FURIN: variants seen among roughly 807,000 people sequenced by gnomAD.
The protein encoded by FURIN is FES upstream region.
In FURIN, 18 loss-of-function variants were observed where a neutral mutation model predicts 89.2. The ratio of observed to expected loss-of-function variants is 0.20; its 90% CI spans 0.14 to 0.30. The LOEUF is 0.30. Among genes scored for constraint, FURIN ranks in the 10% least tolerant of loss-of-function variants. The pLI is 1.00. For synonymous variants in FURIN, 508 were observed against 466.4 expected (o/e 1.09, Z -1.15); for missense variants, 879 against 1,100.5 (o/e 0.80, Z 2.85).
At position 90,881,319 on chromosome 15, in the gene FURIN, G is replaced by T. The variant is rs1442414103; in HGVS notation, c.1826G>T (p.Ser609Ile). The change falls in exon 16 of 16, where the codon AGC becomes ATC. Residue 609 changes from serine (S) to isoleucine (I), a missense_variant. Ser to Ile is a moderately radical substitution (Grantham distance 142). Coordinates refer to ENST00000268171, the MANE Select transcript of FURIN (RefSeq NM_002569.4). The surrounding 1 kb of genome is among the most constrained non-coding windows in gnomAD (Gnocchi z 4.3). Reference protein sequence around the residue: ...CEEGFSLHQKSCVQHCPPGFA... With the variant: ...CEEGFSLHQKICVQHCPPGFA... ...GAAGGCTTCTCCCTGCACCAGAAGAGCTGTGTCCAGCACTGCCCTCCAGGG... is the reference window on the plus strand; with the variant it reads ...GAAGGCTTCTCCCTGCACCAGAAGATCTGTGTCCAGCACTGCCCTCCAGGG... 1 of 1,608,952 alleles carries T rather than the reference G, an allele frequency of 6.2e-7. No homozygotes were observed. The highest frequency in any genetic ancestry group is 2.2e-5 in the East Asian group (1 of 44,780).
chr15:90,881,942 A>AT lies in FURIN; in HGVS notation c.*71dup, dbSNP rs1377996086. ...TGGGCACTTTTTAATTCACCAAAGT[A>AT]TTTTTTTATCTTGGGACTGGGTTTG... On this transcript the variant is annotated 3_prime_UTR_variant, in exon 16 of 16. Coordinates refer to ENST00000268171, the MANE Select transcript of FURIN (RefSeq NM_002569.4). This position sits in a 1 kb window ranked among gnomAD's most constrained non-coding sequence, Gnocchi z 4.3. The AT allele has an allele frequency of 2.0e-5, 23 of 1,170,016 alleles. No homozygotes were observed. The highest frequency in any genetic ancestry group is 4.5e-5 in the Admixed American group (2 of 44,514). 72.5% of individuals were successfully genotyped at this position (1,170,016 alleles called of 1,614,324 possible). A position where few individuals can be genotyped will look rare whatever the true frequency, so the allele number is the denominator to read the frequency against.
intron 1 of FURIN, among the ~76,000 whole-genome samples, chr15:90,873,431 G>C (rs1290698964): frequency 1.3e-5 from 2 of 152,218 alleles, no homozygotes; most frequent in Non-Finnish European, 2.9e-5. Context: ...GCTAGACCCA[G>C]ATGAACCCAG....
In FURIN at chr15:90,875,598, C is replaced by A; in HGVS notation, c.-143C>A. On this transcript the variant is annotated 5_prime_UTR_variant, in exon 2 of 16. Coordinates refer to ENST00000268171, the MANE Select transcript of FURIN (RefSeq NM_002569.4). ...TCCTCTCAGGGTCGGCACTCTTCAC[C>A]CTCCCGAGCCCTGCCCGTCTCGGCC... 1 of 652,096 alleles carries A rather than the reference C, an allele frequency of 1.5e-6. No homozygotes were observed. The highest frequency in any genetic ancestry group is 2.5e-6 in the Non-Finnish European group (1 of 392,412). The allele number at this position is 652,096 out of a possible 1,614,324, so 40.4% of individuals were successfully genotyped here. A position where few individuals can be genotyped will look rare whatever the true frequency, so the allele number is the denominator to read the frequency against.
In FURIN at chr15:90,880,831, G is replaced by A; in HGVS notation, c.1681+16G>A. 1 of 1,612,318 alleles carries A rather than the reference G, an allele frequency of 6.2e-7. No homozygotes were observed. Among genetic ancestry groups the A allele is most frequent in the Non-Finnish European group, 8.5e-7 (1 of 1,178,762 alleles). On this transcript the variant is annotated intron_variant, in intron 14 of 15. Transcript: ENST00000268171. The stretch of plus-strand genomic sequence containing the variant: ...AACAACTATGGTACTGGGGGCACTT[G>A]AGGGGTAGGGGTACGAGGTGGAGGG...
In FURIN at chr15:90,876,990, T is replaced by A; in HGVS notation, c.467T>A (p.Ile156Asn). ...GIVVSILDDG[I>N]EKNHPDLAGN... ...GTGGTCTCCATTCTGGACGATGGCA[T>A]CGAGAAGAACCACCCGGACTTGGCA... Residue 156 changes from isoleucine (I) to asparagine (N), a missense_variant, in exon 5 of 16, where the codon ATC becomes AAC. Ile to Asn is a moderately radical substitution (Grantham distance 149). This residue lies in a region of FURIN where 139 missense variants were observed against 215.0 expected (regional missense o/e 0.65). Transcript: ENST00000268171. This position sits in a 1 kb window ranked among gnomAD's most constrained non-coding sequence, Gnocchi z 5.0. 6.2e-7 allele frequency: 1 copy of A among 1,614,104 alleles called. No individual in the cohort carries two copies. The highest frequency in any genetic ancestry group is 1.6e-4 in the Middle Eastern group (1 of 6,062).
intron 8 of FURIN, 106 bp downstream of exon 8, chr15:90,878,410 A>G (rs1025634631): frequency 2.1e-6 from 2 of 954,266 alleles, no homozygotes; most frequent in Non-Finnish European, 3.0e-6. Flanking sequence ...TTAACTTTAC[A>G]CAAAGCATGT....
Position 90,876,599 on chromosome 15 carries a change from C to G in FURIN, c.372+42C>G. The G allele has an allele frequency of 8.0e-7, 1 of 1,254,036 alleles. No individual in the cohort carries two copies. The highest frequency in any genetic ancestry group is 1.5e-5 in the African/African-American group (1 of 67,914). 77.7% of individuals were successfully genotyped at this position (1,254,036 alleles called of 1,614,324 possible). On this transcript the variant is annotated intron_variant, in intron 4 of 15. Transcript: ENST00000268171. The surrounding 1 kb of genome is among the most constrained non-coding windows in gnomAD (Gnocchi z 5.0). ...GCTGCTGGGACCTCCTCCCCAGATG[C>G]ACCATCCACCCACTATGAGCTCTTG...
chr15:90,871,720 C>T (rs1210135777), intron 1 of FURIN: 1 of 149,242 alleles, frequency 6.7e-6, no homozygotes, highest in Non-Finnish European at 1.5e-5. Flanking sequence ...GAGCGGGCTC[C>T]GCGGCCCGGG....
In FURIN at chr15:90,876,561, C is replaced by T. The variant is rs751590173; in HGVS notation, c.372+4C>T. 80 of 1,594,718 alleles carry T rather than the reference C, an allele frequency of 5.0e-5. No homozygotes were observed. Among genetic ancestry groups the T allele is most frequent in the Admixed American group, 6.7e-5 (4 of 59,952 alleles). On this transcript the variant is annotated splice_donor_region_variant and intron_variant, in intron 4 of 15. Transcript: ENST00000268171. The surrounding 1 kb of genome is among the most constrained non-coding windows in gnomAD (Gnocchi z 5.0). ...GTTTCCTCAGCAGTGGTACCTGGTACGTGGCCTTCTTCGCTGCTGGGACCT... is the reference window on the plus strand; with the variant it reads ...GTTTCCTCAGCAGTGGTACCTGGTATGTGGCCTTCTTCGCTGCTGGGACCT...
At position 90,868,706 on chromosome 15, in the gene FURIN, G is replaced by A. The variant is rs2031156333; in HGVS notation, c.-165G>A. 1.3e-5 allele frequency: 2 copies of A among 152,216 alleles called. No homozygotes were observed. The highest frequency in any genetic ancestry group is 1.5e-5 in the Non-Finnish European group (1 of 68,050). 9.4% of individuals were successfully genotyped at this position (152,216 alleles called of 1,614,324 possible). ...AATCCCAGGTGCTCTGGAGCTGGAT[G>A]GTGAAGTATGGACATGCTTTATTCG... On this transcript the variant is annotated 5_prime_UTR_variant, in exon 1 of 16. An upstream start codon of the reference 5' UTR is lost. Coordinates refer to ENST00000268171, the MANE Select transcript of FURIN (RefSeq NM_002569.4).
chr15:90,879,194 T>C (rs2031802080), intron 9 of FURIN, among the ~76,000 whole-genome samples: 1 of 152,216 alleles, frequency 6.6e-6, no homozygotes, highest in African/African-American at 2.4e-5. Context: ...AAAAACATAC[T>C]TTGTTCTTAT....
chr15:90,879,043 T>C, intron 9 of FURIN, 67 bp downstream of exon 9: 1 of 1,030,140 alleles, frequency 9.7e-7, no homozygotes, highest in Non-Finnish European at 1.4e-6. Flanking sequence ...CAGCACCCTC[T>C]TTTGGAGGCT....
intron 1 of FURIN, among the ~76,000 whole-genome samples, chr15:90,874,530 G>T (rs1402960833): frequency 6.6e-6 from 1 of 152,206 alleles, no homozygotes. Flanking sequence ...CTCCACCCCC[G>T]CACCCCCTCA....
chr15:90,878,071 TG>T, intron 7 of FURIN, 60 bp from the exon 8 acceptor site: 2 of 1,546,026 alleles, frequency 1.3e-6, no homozygotes, highest in Non-Finnish European at 1.8e-6. Context: ...CTCCTTGGGG[TG>T]GGGGCCCTGA....
intron 1 of FURIN, chr15:90,872,770 G>A (rs906937202): frequency 6.6e-6 from 1 of 152,238 alleles, no homozygotes; most frequent in Non-Finnish European, 1.5e-5. Context: ...GCTGGTAACA[G>A]GACCCCGCGT....
At chr15:90,870,092 T>G (rs1308252523) in intron 1 of FURIN, among the ~76,000 whole-genome samples, 2 of 152,212 alleles carry the variant, frequency 1.3e-5, no homozygotes, top group African/African-American at 4.8e-5. Flanking sequence ...TCCTCCAGTT[T>G]CCAGTTCTTG....
intron 14 of FURIN, 43 bp from the exon 15 acceptor site, chr15:90,880,887 C>T: frequency 6.2e-7 from 1 of 1,609,956 alleles, no homozygotes; most frequent in East Asian, 2.2e-5. Flanking sequence ...GGGTGTGGTG[C>T]CAGCACTGTC....
At chr15:90,880,411 A>C (rs752324264) in intron 13 of FURIN, 138 bp downstream of exon 13, 16 of 751,070 alleles carry the variant, frequency 2.1e-5, no homozygotes, top group Non-Finnish European at 2.1e-6. Context: ...GGGAGGGACA[A>C]TTTTGTCCTG....
chr15:90,879,654 CCCTT>C lies in FURIN; in HGVS notation c.1155-11_1155-8del, dbSNP rs756409287. On this transcript the variant is annotated splice_polypyrimidine_tract_variant and intron_variant, in intron 10 of 15. Coordinates refer to ENST00000268171, the MANE Select transcript of FURIN (RefSeq NM_002569.4). ...CAAAAAAGACTGATCCCCAGCCTCTCCCTTCCTTCTTTGCAGTAAGAACCTCACA... is the reference window on the plus strand; with the variant it reads ...CAAAAAAGACTGATCCCCAGCCTCTCCCTTCTTTGCAGTAAGAACCTCACA... 1.9e-5 allele frequency: 30 copies of C among 1,606,404 alleles called. No homozygotes were observed. In the South Asian group the frequency reaches 2.7e-4, roughly 15 times the overall value.
Sources: allele counts gnomAD v4.1 joint callset (sites outside exome capture counted in the v4.1 genomes callset), GRCh38; gene constraint gnomAD v4.1.1; regional missense constraint gnomAD v4.1.1; non-coding constraint Gnocchi (gnomAD v3.1); transcripts MANE v1.5; gene names NCBI Gene and HGNC (gene_info 2026-07-23, HGNC 2026-07-21).